ULK4: variants seen among roughly 807,000 people sequenced by gnomAD.
The protein encoded by ULK4 is inactive serine/threonine-protein kinase ULK4.
A neutral mutation model predicts 160.6 loss-of-function variants in ULK4; 133 were observed. That is an observed-to-expected ratio of 0.83 (90% CI 0.72 to 0.96). The LOEUF (loss-of-function observed/expected upper bound fraction) is 0.96, where lower values mean the gene tolerates loss of function less well. ULK4 is among the 40% of genes least tolerant of loss of function. The pLI is 0.00. For missense variants in ULK4, 1,580 were observed against 1,499.5 expected, an observed-to-expected ratio of 1.05 and a Z score of -0.89; for synonymous variants, 534 against 539.8, an observed-to-expected ratio of 0.99 and a Z score of 0.15.
At chr3:41,643,026 T>G (rs541872587) in intron 30 of ULK4, among the ~76,000 whole-genome samples, 29,393 of 151,944 alleles carry the variant, frequency 0.19, 3,006 homozygotes, top group African/African-American at 0.25. Context: ...TCGCCCAGTT[T>G]TTGATGGGGT....
At chr3:41,840,652 A>T (rs1426005128) in intron 17 of ULK4, among the ~76,000 whole-genome samples, 1 of 152,310 alleles carries the variant, frequency 6.6e-6, no homozygotes, top group East Asian at 1.9e-4. Flanking sequence ...CTGGGATTGC[A>T]GACGGAGTCT....
chr3:41,862,487 A>C (rs2042522410), intron 17 of ULK4, among the ~76,000 whole-genome samples: 1 of 152,078 alleles, frequency 6.6e-6, no homozygotes, highest in Non-Finnish European at 1.5e-5. Flanking sequence ...GGCACTGAAG[A>C]GTTAGGTATT....
intron 30 of ULK4, among the ~76,000 whole-genome samples, chr3:41,653,353 C>T (rs1257727944): frequency 6.6e-6 from 1 of 152,222 alleles, no homozygotes; most frequent in African/African-American, 2.4e-5. Context: ...AGTAAAAGTT[C>T]TTGTCCACAT....
chr3:41,894,735 A>C (rs528195165), intron 16 of ULK4, among the ~76,000 whole-genome samples: 43 of 152,312 alleles, frequency 2.8e-4, no homozygotes, highest in African/African-American at 1.0e-3. Flanking sequence ...CTTGGCCCAG[A>C]AAGCTGATCT....
Position 41,463,268 on chromosome 3 carries a change from G to C in ULK4, c.3227-15C>G, listed in dbSNP as rs1426882403. The C allele has an allele frequency of 6.3e-7, 1 of 1,594,534 alleles. No individual in the cohort carries two copies. Among genetic ancestry groups the C allele is most frequent in the Non-Finnish European group, 8.5e-7 (1 of 1,171,048 alleles). On this transcript the variant is annotated splice_polypyrimidine_tract_variant and intron_variant, in intron 32 of 36. Transcript: ENST00000301831. ...ACTGACAAGTCCTGAGGGTAAAAAA[G>C]GAAAAGAAAAAAACCTCATCATTAA...
At chr3:41,254,690 T>C (rs2078800809) in intron 35 of ULK4, among the ~76,000 whole-genome samples, 1 of 152,052 alleles carries the variant, frequency 6.6e-6, no homozygotes, top group African/African-American at 2.4e-5. Context: ...GAGACCAGCC[T>C]GGCCAACATG....
rs1006501926 is a variant in ULK4, at chr3:41,535,672, G to GA, written c.3226+30352dup. On this transcript the variant is annotated intron_variant, in intron 32 of 36. Coordinates refer to ENST00000301831, the MANE Select transcript of ULK4 (RefSeq NM_017886.4). ...GACTCCTCATGTGGTCGTGCTTCAT[G>GA]AATCTACACACACTATGGGTTTGCA... Among the ~76,000 whole-genome samples the GA allele has an allele frequency of 1.3e-3, 202 of 151,038 alleles. 1 individual carries two copies. The highest frequency in any genetic ancestry group is 4.7e-3 in the African/African-American group (192 of 41,062).
At chr3:41,822,935 G>C (rs1347279678) in intron 18 of ULK4, among the ~76,000 whole-genome samples, 2 of 148,960 alleles carry the variant, frequency 1.3e-5, no homozygotes, top group Non-Finnish European at 3.0e-5. Flanking sequence ...TGTTAGCCAG[G>C]ATGGTCTCGA....
chr3:41,401,547 G>A (rs1433234153), intron 34 of ULK4, among the ~76,000 whole-genome samples: 4 of 152,124 alleles, frequency 2.6e-5, no homozygotes, highest in Non-Finnish European at 5.9e-5. Context: ...GTACATGATA[G>A]GAACTCTAGG....
At chr3:41,396,839 T>C (rs967611962) in intron 35 of ULK4, among the ~76,000 whole-genome samples, 1 of 152,174 alleles carries the variant, frequency 6.6e-6, no homozygotes, top group African/African-American at 2.4e-5. Context: ...GTAGTGACTC[T>C]GCTGAGATTA....
chr3:41,600,337 A>G (rs1294087616), intron 31 of ULK4, among the ~76,000 whole-genome samples: 1 of 152,204 alleles, frequency 6.6e-6, no homozygotes. Flanking sequence ...GCTTTAATCA[A>G]CTAATGACAC....
intron 30 of ULK4, among the ~76,000 whole-genome samples, chr3:41,637,283 A>G (rs2125710908): frequency 1.3e-5 from 2 of 152,238 alleles, no homozygotes; most frequent in South Asian, 4.1e-4. Flanking sequence ...TATAAGTGAG[A>G]TGATGCAGTA....
chr3:41,883,757 C>A, intron 17 of ULK4, 117 bp downstream of exon 17: 2 of 900,374 alleles, frequency 2.2e-6, no homozygotes, highest in Non-Finnish European at 3.7e-6. Flanking sequence ...AGAACGATTG[C>A]CACAATCCCA....
chr3:41,636,909 G>C (rs1423291599), intron 30 of ULK4, among the ~76,000 whole-genome samples: 1 of 152,086 alleles, frequency 6.6e-6, no homozygotes, highest in African/African-American at 2.4e-5. Flanking sequence ...TATACCGACA[G>C]TGTGCTCATC....
intron 22 of ULK4, among the ~76,000 whole-genome samples, chr3:41,733,795 C>T (rs6599172): frequency 0.14 from 18,816 of 138,544 alleles, 4,031 homozygotes; most frequent in African/African-American, 0.47. Flanking sequence ...AGTGCAGTGG[C>T]GCAATCTCAC....
chr3:41,843,289 A>C (rs1375019670), intron 17 of ULK4, among the ~76,000 whole-genome samples: 1 of 152,194 alleles, frequency 6.6e-6, no homozygotes, highest in East Asian at 1.9e-4. Flanking sequence ...AAAAATAAAA[A>C]ATAGTGACAA....
intron 20 of ULK4, among the ~76,000 whole-genome samples, chr3:41,794,886 G>A (rs2040259539): frequency 6.6e-6 from 1 of 152,028 alleles, no homozygotes; most frequent in Non-Finnish European, 1.5e-5. Context: ...GAAAGGTCCT[G>A]AGGCAGAAAA....
chr3:41,568,447 A>C (rs1045015665), intron 31 of ULK4, among the ~76,000 whole-genome samples: 6 of 152,224 alleles, frequency 3.9e-5, no homozygotes, highest in Non-Finnish European at 7.3e-5. Flanking sequence ...ATCTATGTTC[A>C]TAAGTGATAC....
chr3:41,844,365 C>T (rs1277558575), intron 17 of ULK4, among the ~76,000 whole-genome samples: 3 of 152,118 alleles, frequency 2.0e-5, no homozygotes, highest in African/African-American at 7.2e-5. Flanking sequence ...GCCGGTGGGC[C>T]GGCACTGCTG....
Sources: allele counts gnomAD v4.1 joint callset (sites outside exome capture counted in the v4.1 genomes callset), GRCh38; gene constraint gnomAD v4.1.1; transcripts MANE v1.5; gene names NCBI Gene and HGNC (gene_info 2026-07-23, HGNC 2026-07-21).